Variants in MBNL1 observed in about 807,000 individuals in gnomAD.
The protein encoded by MBNL1 is muscleblind like splicing regulator 1, also known as muscleblind-like protein 1.
MBNL1 carries 8 observed loss-of-function variants against 42.2 expected under a neutral mutation model. That is an observed-to-expected ratio of 0.19 (90% CI 0.11 to 0.34). MBNL1 has a LOEUF of 0.34. Ranked by LOEUF, MBNL1 falls within the 10% of genes least tolerant of loss-of-function variation. The pLI is 1.00. For synonymous variants in MBNL1, 169 were observed against 173.9 expected, an observed-to-expected ratio of 0.97 and a Z score of 0.22; for missense variants, 309 against 495.3, an observed-to-expected ratio of 0.62 and a Z score of 3.57.
intron 2 of MBNL1, among the ~76,000 whole-genome samples, chr3:152,393,520 T>C (rs749062632): frequency 2.0e-5 from 3 of 152,236 alleles, no homozygotes; most frequent in Non-Finnish European, 2.9e-5. Flanking sequence ...AGGAAATGAA[T>C]GTTACGGTGA....
rs577128126 is a variant in MBNL1, at chr3:152,429,965, C to T, written c.346-2752C>T. 2.5e-4 allele frequency among the ~76,000 whole-genome samples: 38 copies of T among 152,262 alleles called. 1 individual carries two copies. The highest frequency in any genetic ancestry group is 9.8e-4 in the Admixed American group (15 of 15,300). Reference sequence around the variant, plus strand: ...ATAGTTGATGTTTCACATTTTTAAACGCTCCTACCGACTTTACTTGGGGAC... The same window carrying T: ...ATAGTTGATGTTTCACATTTTTAAATGCTCCTACCGACTTTACTTGGGGAC... On this transcript the variant is annotated intron_variant, in intron 3 of 9. Transcript: ENST00000324210.
intron 8 of MBNL1, 93 bp from the exon 9 acceptor site, chr3:152,459,178 T>G (rs1739987493): frequency 1.5e-6 from 1 of 648,214 alleles, no homozygotes; most frequent in African/African-American, 1.9e-5. Flanking sequence ...TGAATTTCAC[T>G]TTTCTTTAAA....
intron 3 of MBNL1, among the ~76,000 whole-genome samples, chr3:152,416,348 T>TA (rs1402758085): frequency 6.6e-6 from 1 of 152,230 alleles, no homozygotes; most frequent in African/African-American, 2.4e-5. Context: ...TAGGCTCAGT[T>TA]AAAAATGTGA....
At position 152,340,622 on chromosome 3, in the gene MBNL1, T is replaced by G. The variant is rs767656392; in HGVS notation, c.174+40255T>G. 14 of 1,613,924 alleles carry G rather than the reference T, an allele frequency of 8.7e-6. No homozygotes were observed. In the Admixed American group the frequency reaches 2.3e-4, roughly 27 times the overall value. ...AGTTTGGAAACTATCAGCAGGCACC[T>G]GCAACTAAACCCACAAGCGTAAATG... On this transcript the variant is annotated intron_variant, in intron 2 of 9. Coordinates refer to ENST00000324210, the MANE Select transcript of MBNL1 (RefSeq NM_021038.5).
chr3:152,426,421 C>A (rs2098932559), intron 3 of MBNL1, among the ~76,000 whole-genome samples: 1 of 152,148 alleles, frequency 6.6e-6, no homozygotes, highest in Non-Finnish European at 1.5e-5. Context: ...TTTACTTTGT[C>A]ACATACTGTC....
chr3:152,339,060 T>G (rs935335059), intron 2 of MBNL1, among the ~76,000 whole-genome samples: 2 of 152,148 alleles, frequency 1.3e-5, no homozygotes, highest in Non-Finnish European at 2.9e-5. Context: ...GTGTTAATAT[T>G]TAAAACCAAA....
Position 152,345,591 on chromosome 3 carries a change from T to TAG in MBNL1, c.174+45234_174+45235dup, listed in dbSNP as rs542925986. On this transcript the variant is annotated intron_variant, in intron 2 of 9. Transcript: ENST00000324210. ...ATATTTTTAAAATACTGTTTTTATT[T>TAG]AGAGAGAGAGACAGCTGTATAAACT... is the stretch of plus-strand genomic sequence containing the variant. Among the ~76,000 whole-genome samples the TAG allele has an allele frequency of 5.0e-3, 758 of 152,264 alleles. 5 individuals carry two copies. Among genetic ancestry groups the TAG allele is most frequent in the Admixed American group, 0.014 (207 of 15,276 alleles).
rs189345699 is a variant in MBNL1, at chr3:152,428,764, C to T, written c.346-3953C>T. On this transcript the variant is annotated intron_variant, in intron 3 of 9. Transcript: ENST00000324210. ...GGGCATTCACGGTTTAAAAGTCCTCCGGATGATTTTAATGGACACCTGGTT... is the reference window on the plus strand; with the variant it reads ...GGGCATTCACGGTTTAAAAGTCCTCTGGATGATTTTAATGGACACCTGGTT... Among the ~76,000 whole-genome samples, 22 of 152,260 alleles carry T rather than the reference C, an allele frequency of 1.4e-4. No individual in the cohort carries two copies. The East Asian group carries it at 3.3e-3, about 23-fold the overall frequency.
At chr3:152,286,438 T>C (rs1412623426) in intron 1 of MBNL1, among the ~76,000 whole-genome samples, 2 of 100,874 alleles carry the variant, frequency 2.0e-5, no homozygotes, top group Non-Finnish European at 4.1e-5. Context: ...ATATAAATAT[T>C]TATATTTTAT....
intron 2 of MBNL1, among the ~76,000 whole-genome samples, chr3:152,361,006 T>G (rs2095890728): frequency 6.6e-6 from 1 of 152,146 alleles, no homozygotes; most frequent in Non-Finnish European, 1.5e-5. Flanking sequence ...TTTCAATGGG[T>G]ACATAGCCTG....
intron 2 of MBNL1, among the ~76,000 whole-genome samples, chr3:152,309,536 G>A (rs183877676): frequency 1.3e-5 from 2 of 152,258 alleles, no homozygotes; most frequent in Admixed American, 6.5e-5. Flanking sequence ...AGTCCAGGCT[G>A]TTCTCAAATA....
intron 2 of MBNL1, chr3:152,335,200 G>C (rs1236593680): frequency 7.8e-7 from 1 of 1,289,668 alleles, no homozygotes. Context: ...ATCTATGGAA[G>C]ATAAAGCATG....
At chr3:152,389,472 CAT>C (rs1400354147) in intron 2 of MBNL1, among the ~76,000 whole-genome samples, 6 of 152,140 alleles carry the variant, frequency 3.9e-5, no homozygotes, top group Admixed American at 2.6e-4. Context: ...ATGTAAACAT[CAT>C]AGAGTATACG....
At chr3:152,315,143 G>A (rs957386934) in intron 2 of MBNL1, among the ~76,000 whole-genome samples, 1 of 152,208 alleles carries the variant, frequency 6.6e-6, no homozygotes, top group African/African-American at 2.4e-5. Context: ...GAAACAATTA[G>A]GAGAAAGTAC....
At chr3:152,450,183 A>G (rs911544622) in intron 6 of MBNL1, among the ~76,000 whole-genome samples, 2 of 151,988 alleles carry the variant, frequency 1.3e-5, no homozygotes, top group Non-Finnish European at 2.9e-5. Context: ...AATATAATCA[A>G]TATAGTGTGA....
chr3:152,268,489 C>T, upstream of MBNL1: 3 of 316,318 alleles, frequency 9.5e-6, no homozygotes, highest in South Asian at 4.7e-5. Flanking sequence ...CCTTGCAAAG[C>T]CCGGTGCAAG....
At chr3:152,350,447 A>G (rs992357888) in intron 2 of MBNL1, among the ~76,000 whole-genome samples, 23 of 152,136 alleles carry the variant, frequency 1.5e-4, no homozygotes, top group African/African-American at 5.6e-4. Context: ...AATAATAATA[A>G]GAGAAGTGGG....
At position 152,433,749 on chromosome 3, in the gene MBNL1, CAA is replaced by C. The variant is rs35614565; in HGVS notation, c.549+846_549+847del. ...TGGGCGACAGAGCGAGACTCCGTCT[CAA>C]AAAAAAAAAAAAAAAAGTTTTTTGC... On this transcript the variant is annotated intron_variant, in intron 4 of 9. Transcript: ENST00000324210. Among the ~76,000 whole-genome samples the C allele has an allele frequency of 2.0e-4, 18 of 91,394 alleles. No homozygotes were observed. In the South Asian group the frequency reaches 3.1e-3, roughly 16 times the overall value. 60.0% of individuals were successfully genotyped at this position (91,394 alleles called of 152,430 possible).
rs1291056961 is a variant in MBNL1 at position 152,465,466 on chromosome 3, A to G, written c.*3100A>G. On this transcript the variant is annotated 3_prime_UTR_variant, in exon 10 of 10. Transcript: ENST00000324210. ...TTCATGGTTTTAATTTTCAACTCAG[A>G]AGCACTCAAAAATGCAAAATGTGAT... 1 of 152,632 alleles carries G rather than the reference A, an allele frequency of 6.6e-6. No homozygotes were observed. Among genetic ancestry groups the G allele is most frequent in the Non-Finnish European group, 1.5e-5 (1 of 68,026 alleles). The allele number at this position is 152,632 out of a possible 1,614,324, so 9.5% of individuals were successfully genotyped here.
Sources: gnomAD v4.1 joint callset for allele counts (sites outside exome capture counted in the v4.1 genomes callset) on GRCh38, gnomAD v4.1.1 for gene constraint, MANE v1.5 for transcripts, NCBI Gene and HGNC (gene_info 2026-07-23, HGNC 2026-07-21) for gene names.